Variants in KPNA3 observed in about 807,000 individuals in gnomAD.
The protein encoded by KPNA3 is karyopherin subunit alpha 3.
KPNA3 carries 13 observed loss-of-function variants against 73.8 expected under a neutral mutation model. That is an observed-to-expected ratio of 0.18 (90% CI 0.11 to 0.28). The LOEUF (loss-of-function observed/expected upper bound fraction) is 0.28, where lower values mean the gene tolerates loss of function less well. KPNA3 is among the 10% of genes least tolerant of loss of function. KPNA3 has a pLI of 1.00. For synonymous variants in KPNA3, 186 were observed against 206.9 expected (o/e 0.90, Z 0.87); for missense variants, 360 against 618.1 (o/e 0.58, Z 4.43).
intron 7 of KPNA3, among the ~76,000 whole-genome samples, chr13:49,724,699 C>T (rs1255391618): frequency 2.6e-5 from 4 of 152,142 alleles, no homozygotes; most frequent in Non-Finnish European, 5.9e-5. Context: ...CTGGCTCAAG[C>T]GATCCTCTCG....
intron 10 of KPNA3, among the ~76,000 whole-genome samples, chr13:49,713,404 G>A (rs1954277678): frequency 6.7e-6 from 1 of 150,284 alleles, no homozygotes; most frequent in African/African-American, 2.5e-5. Context: ...AAAAATAAAG[G>A]TATAACTCTT....
In KPNA3 at chr13:49,731,538, A is replaced by G. The variant is rs528009824; in HGVS notation, c.383+833T>C. ...GTGGCACACAACGAAAGCAAATGGTATTTTTAAATACTAAAAACCCTTAGT... is the reference window on the plus strand; with the variant it reads ...GTGGCACACAACGAAAGCAAATGGTGTTTTTAAATACTAAAAACCCTTAGT... On this transcript the variant is annotated intron_variant, in intron 6 of 16. Coordinates refer to ENST00000261667, the MANE Select transcript of KPNA3 (RefSeq NM_002267.4). Among the ~76,000 whole-genome samples the G allele has an allele frequency of 7.2e-5, 11 of 152,286 alleles. No individual in the cohort carries two copies. In the South Asian group the frequency reaches 2.3e-3, roughly 32 times the overall value.
At chr13:49,731,897 C>A (rs541096404) in intron 6 of KPNA3, among the ~76,000 whole-genome samples, 3 of 152,134 alleles carry the variant, frequency 2.0e-5, no homozygotes, top group Non-Finnish European at 4.4e-5. Context: ...CATTGGACAA[C>A]TTATCATGGA....
rs558981785 is a variant in KPNA3 at position 49,750,641 on chromosome 13, A to C, written c.70-3648T>G. On this transcript the variant is annotated intron_variant, in intron 1 of 16. Coordinates refer to ENST00000261667, the MANE Select transcript of KPNA3 (RefSeq NM_002267.4). ...AGTGAAACCCTGCCTTGGAAAAAAA[A>C]AAAAGGTTTGCCAGCACCTGGTCTA... Among the ~76,000 whole-genome samples, 98 of 152,216 alleles carry C rather than the reference A, an allele frequency of 6.4e-4. No homozygotes were observed. In the South Asian group the frequency reaches 9.6e-3, roughly 15 times the overall value.
At chr13:49,732,557 A>T in intron 5 of KPNA3, 48 bp downstream of exon 5, 1 of 1,498,064 alleles carries the variant, frequency 6.7e-7, no homozygotes, top group Non-Finnish European at 9.2e-7. Flanking sequence ...ACCAGGTAAC[A>T]CAACTGAGGA....
chr13:49,758,331 A>T (rs1026274590), intron 1 of KPNA3, among the ~76,000 whole-genome samples: 2 of 152,190 alleles, frequency 1.3e-5, no homozygotes, highest in Non-Finnish European at 2.9e-5. Context: ...CTAAAAATAA[A>T]GAAATGAACC....
chr13:49,704,363 C>T (rs1010214438), intron 15 of KPNA3, among the ~76,000 whole-genome samples: 10 of 150,316 alleles, frequency 6.7e-5, no homozygotes, highest in East Asian at 3.9e-4. Context: ...ACGGAGGTTG[C>T]GGTGAGCCAT....
At chr13:49,755,178 C>T (rs926985746) in intron 1 of KPNA3, among the ~76,000 whole-genome samples, 2 of 152,064 alleles carry the variant, frequency 1.3e-5, no homozygotes, top group African/African-American at 2.4e-5. Flanking sequence ...AGGCTTCATT[C>T]TAGTGATACA....
At chr13:49,725,380 AAC>A in intron 7 of KPNA3, 34 bp downstream of exon 7, 1 of 1,282,572 alleles carries the variant, frequency 7.8e-7, no homozygotes, top group Non-Finnish European at 1.1e-6. Flanking sequence ...CCATCATTAA[AAC>A]ACAAAAAGTT....
In KPNA3 at chr13:49,701,428, T is replaced by C. The variant is rs1243619085; in HGVS notation, c.*372A>G. 5 of 470,384 alleles carry C rather than the reference T, an allele frequency of 1.1e-5. No individual in the cohort carries two copies. In the East Asian group the frequency reaches 3.4e-4, roughly 32 times the overall value. The allele number at this position is 470,384 out of a possible 1,614,324, so 29.1% of individuals were successfully genotyped here. ...TGTATATGCATCATACCAAAGTGTC[T>C]TGATCCACAGCGCACCATTTTCCAA... On this transcript the variant is annotated 3_prime_UTR_variant, in exon 17 of 17. Transcript: ENST00000261667.
chr13:49,703,772 C>T (rs1393261356), intron 15 of KPNA3, among the ~76,000 whole-genome samples: 1 of 152,132 alleles, frequency 6.6e-6, no homozygotes, highest in African/African-American at 2.4e-5. Flanking sequence ...ATCAATTTCA[C>T]ACCTTAATAT....
chr13:49,756,648 T>TA lies in KPNA3; in HGVS notation c.70-9656dup, dbSNP rs1253386985. ...AAGATGTTGATTCTCCTCATACTGA[T>TA]ATACAGGTTTAATGCAATTCCTATC... On this transcript the variant is annotated intron_variant, in intron 1 of 16. Coordinates refer to ENST00000261667, the MANE Select transcript of KPNA3 (RefSeq NM_002267.4). Among the ~76,000 whole-genome samples the TA allele has an allele frequency of 1.8e-4, 27 of 152,342 alleles. No individual in the cohort carries two copies. The South Asian group carries it at 3.7e-3, about 21-fold the overall frequency.
intron 1 of KPNA3, among the ~76,000 whole-genome samples, chr13:49,785,919 G>A (rs1954978537): frequency 6.6e-6 from 1 of 152,160 alleles, no homozygotes; most frequent in African/African-American, 2.4e-5. Context: ...TGGGTGCATG[G>A]CCAATATGCA....
At chr13:49,712,895 A>C (rs1347067860) in intron 10 of KPNA3, among the ~76,000 whole-genome samples, 5 of 151,980 alleles carry the variant, frequency 3.3e-5, no homozygotes, top group East Asian at 3.9e-4. Flanking sequence ...AAAAAAAAAA[A>C]CACAGGGACA....
In KPNA3 at chr13:49,712,257, G is replaced by A. The variant is rs188627704; in HGVS notation, c.772-1235C>T. The stretch of plus-strand genomic sequence containing the variant: ...CAAGATCCAGGAAATTCTCAAAAGA[G>A]AAAAGACAGTCAACAGATGCCAATA... On this transcript the variant is annotated intron_variant, in intron 10 of 16. Coordinates refer to ENST00000261667, the MANE Select transcript of KPNA3 (RefSeq NM_002267.4). 1.1e-3 allele frequency among the ~76,000 whole-genome samples: 175 copies of A among 152,272 alleles called. 1 individual carries two copies. The highest frequency in any genetic ancestry group is 4.0e-3 in the African/African-American group (168 of 41,546).
At chr13:49,781,905 A>G (rs1954943525) in intron 1 of KPNA3, among the ~76,000 whole-genome samples, 1 of 152,234 alleles carries the variant, frequency 6.6e-6, no homozygotes. Flanking sequence ...GAATGTATAG[A>G]GTAATTCACA....
Position 49,733,058 on chromosome 13 carries a change from C to A in KPNA3, c.115-12G>T, listed in dbSNP as rs1187381260. ...TCATCTCTTTTGTTCTGAAAGGCAA[C>A]CAATAAATGCTTAAGAAGTCATAAG... On this transcript the variant is annotated splice_polypyrimidine_tract_variant and intron_variant, in intron 2 of 16. Coordinates refer to ENST00000261667, the MANE Select transcript of KPNA3 (RefSeq NM_002267.4). 2 of 1,533,162 alleles carry A rather than the reference C, an allele frequency of 1.3e-6. No individual in the cohort carries two copies. Among genetic ancestry groups the A allele is most frequent in the Admixed American group, 3.4e-5 (2 of 58,672 alleles). The allele number at this position is 1,533,162 out of a possible 1,614,324, so 95.0% of individuals were successfully genotyped here.
chr13:49,709,499 C>A, intron 12 of KPNA3, 73 bp downstream of exon 12: 1 of 1,224,936 alleles, frequency 8.2e-7, no homozygotes. Context: ...ATACAAGTAG[C>A]AATAGAAACA....
intron 6 of KPNA3, among the ~76,000 whole-genome samples, chr13:49,730,588 A>G (rs1440642243): frequency 6.7e-6 from 1 of 148,960 alleles, no homozygotes; most frequent in African/African-American, 2.4e-5. Flanking sequence ...GTAGAAGTAG[A>G]ATAGAACTTA....
Sources: allele counts gnomAD v4.1 joint callset (sites outside exome capture counted in the v4.1 genomes callset), GRCh38; gene constraint gnomAD v4.1.1; transcripts MANE v1.5; gene names NCBI Gene and HGNC (gene_info 2026-07-23, HGNC 2026-07-21).